SLC9B1: variants seen among roughly 807,000 people sequenced by gnomAD.
SLC9B1 encodes the protein sodium/hydrogen exchanger 9B1.
SLC9B1 carries 32 observed loss-of-function variants against 51.7 expected under a neutral mutation model. The observed-to-expected ratio is 0.62, with a 90% CI of 0.47 to 0.83. The LOEUF (loss-of-function observed/expected upper bound fraction) is 0.83. Among genes scored for constraint, SLC9B1 ranks in the 40% least tolerant of loss-of-function variants. The probability of loss-of-function intolerance (pLI) is 0.00; values close to 1 mark genes in which losing one functional copy is unlikely to be tolerated. For synonymous variants in SLC9B1, 145 were observed against 212.7 expected, an observed-to-expected ratio of 0.68 and a Z score of 2.77; for missense variants, 406 against 613.2, an observed-to-expected ratio of 0.66 and a Z score of 3.57.
chr4:102,888,552 C>T (rs1392261980), intron 11 of SLC9B1: 5 of 152,198 alleles, frequency 3.3e-5, no homozygotes, highest in East Asian at 3.8e-4. Context: ...GTGAAATAAA[C>T]GTACTGGAGA....
intron 1 of SLC9B1, among the ~76,000 whole-genome samples, chr4:103,006,676 G>C (rs1297301045): frequency 2.0e-5 from 3 of 152,060 alleles, no homozygotes; most frequent in Non-Finnish European, 2.9e-5. Context: ...AAACCTGGCA[G>C]AGACACAATA....
At chr4:102,951,585 A>C (rs184914244) in intron 3 of SLC9B1, among the ~76,000 whole-genome samples, 1 of 152,130 alleles carries the variant, frequency 6.6e-6, no homozygotes, top group East Asian at 1.9e-4. Context: ...AAATTTACTC[A>C]ACTAAAAAAA....
intron 6 of SLC9B1, 38 bp downstream of exon 6, chr4:102,945,154 AT>A: frequency 6.6e-7 from 1 of 1,524,720 alleles, no homozygotes; most frequent in Non-Finnish European, 8.9e-7. Flanking sequence ...AGCATCCTTA[AT>A]TGAATATTTT....
chr4:102,910,381 A>C, intron 9 of SLC9B1, 58 bp downstream of exon 9: 1 of 1,435,780 alleles, frequency 7.0e-7, no homozygotes, highest in East Asian at 2.8e-5. Flanking sequence ...TTTCCTAAAT[A>C]TATGTAAAAA....
At chr4:102,917,675 A>G (rs1735650234) in intron 7 of SLC9B1, among the ~76,000 whole-genome samples, 1 of 152,190 alleles carries the variant, frequency 6.6e-6, no homozygotes, top group African/African-American at 2.4e-5. Context: ...CTACCTTAAA[A>G]AAGAAGAAAG....
chr4:102,895,093 T>A (rs899793124), intron 11 of SLC9B1, among the ~76,000 whole-genome samples: 3 of 152,144 alleles, frequency 2.0e-5, no homozygotes, highest in African/African-American at 4.8e-5. Flanking sequence ...AAAAGACTAT[T>A]GAGAGGAACT....
intron 7 of SLC9B1, among the ~76,000 whole-genome samples, chr4:102,919,472 G>A (rs1735751976): frequency 6.6e-6 from 1 of 152,144 alleles, no homozygotes; most frequent in Non-Finnish European, 1.5e-5. Flanking sequence ...GTTCCGGTCT[G>A]CAGCTCCCAG....
intron 3 of SLC9B1, among the ~76,000 whole-genome samples, chr4:102,981,959 C>A (rs28845922): frequency 6.6e-6 from 1 of 151,790 alleles, no homozygotes; most frequent in Non-Finnish European, 1.5e-5. Flanking sequence ...TGATATTATA[C>A]CTAAAACTCA....
chr4:103,013,388 T>C (rs567699134), intron 1 of SLC9B1, among the ~76,000 whole-genome samples: 48 of 152,324 alleles, frequency 3.2e-4, no homozygotes, highest in African/African-American at 1.1e-3. Context: ...CATCCTTACC[T>C]CTCTGGTGTC....
At chr4:102,947,818 G>A (rs1055076448) in intron 4 of SLC9B1, among the ~76,000 whole-genome samples, 50 of 152,180 alleles carry the variant, frequency 3.3e-4, no homozygotes, top group Non-Finnish European at 1.8e-4. Flanking sequence ...GCATATTTCC[G>A]GTCACAAAAC....
At chr4:102,989,074 C>T (rs1270806515) in intron 3 of SLC9B1, among the ~76,000 whole-genome samples, 1 of 151,898 alleles carries the variant, frequency 6.6e-6, no homozygotes, top group Non-Finnish European at 1.5e-5. Context: ...CATCAATATA[C>T]TGACGTAAAT....
At chr4:102,967,699 G>C (rs556134042) in intron 3 of SLC9B1, among the ~76,000 whole-genome samples, 2 of 152,242 alleles carry the variant, frequency 1.3e-5, no homozygotes, top group Admixed American at 1.3e-4. Context: ...GCCCACAAAA[G>C]AAAAGCTCCC....
rs151320371 is a variant in SLC9B1, at chr4:102,942,372, C to T, written c.653+2821G>A. Among the ~76,000 whole-genome samples the T allele has an allele frequency of 3.3e-5, 5 of 152,214 alleles. No individual in the cohort carries two copies. In the East Asian group the frequency reaches 9.6e-4, roughly 29 times the overall value. On this transcript the variant is annotated intron_variant, in intron 6 of 11. Coordinates refer to ENST00000296422, the MANE Select transcript of SLC9B1 (RefSeq NM_139173.4). ...CCAAAAATAGCCCGCATAACCAAAG[C>T]AAGACTAAGCAAAAAGAACAAATGT...
At chr4:102,986,940 T>C (rs945056254) in intron 3 of SLC9B1, among the ~76,000 whole-genome samples, 2 of 152,228 alleles carry the variant, frequency 1.3e-5, no homozygotes, top group Non-Finnish European at 2.9e-5. Context: ...AATTCCAATA[T>C]ACCCTCCATA....
At chr4:103,004,522 C>T in intron 1 of SLC9B1, among the ~76,000 whole-genome samples, 1 of 152,170 alleles carries the variant, frequency 6.6e-6, no homozygotes, top group Non-Finnish European at 1.5e-5. Context: ...AGGATATCAT[C>T]CATGAAAATT....
intron 3 of SLC9B1, among the ~76,000 whole-genome samples, chr4:102,973,811 A>G (rs1738886534): frequency 6.6e-6 from 1 of 152,240 alleles, no homozygotes; most frequent in South Asian, 2.1e-4. Flanking sequence ...GATATTTGGA[A>G]GTGAAATACT....
intron 3 of SLC9B1, among the ~76,000 whole-genome samples, chr4:102,983,475 C>G (rs1286538479): frequency 6.6e-6 from 1 of 152,096 alleles, no homozygotes; most frequent in East Asian, 1.9e-4. Context: ...TAATTTCATC[C>G]TTAAATGTTT....
chr4:103,015,751 G>T lies in SLC9B1; in HGVS notation c.-2+3848C>A, dbSNP rs189479104. 4.6e-5 allele frequency among the ~76,000 whole-genome samples: 7 copies of T among 152,162 alleles called. No homozygotes were observed. The East Asian group carries it at 1.3e-3, about 29-fold the overall frequency. On this transcript the variant is annotated intron_variant, in intron 1 of 11. Transcript: ENST00000296422. ...CATTGAGAAAAAGTATCAGTATCAG[G>T]CCGAAGGTCTCACCTCTGACCACTG...
intron 3 of SLC9B1, among the ~76,000 whole-genome samples, chr4:102,977,949 C>A (rs541668370): frequency 6.6e-6 from 1 of 152,216 alleles, no homozygotes; most frequent in South Asian, 2.1e-4. Context: ...CTAATGCTAT[C>A]CCTCCCCACT....
Sources: allele counts gnomAD v4.1 joint callset (sites outside exome capture counted in the v4.1 genomes callset), GRCh38; gene constraint gnomAD v4.1.1; transcripts MANE v1.5; gene names NCBI Gene and HGNC (gene_info 2026-07-23, HGNC 2026-07-21).